The following OMA1 variants were observed in gnomAD, a reference collection of about 807,000 sequenced individuals.
The protein encoded by OMA1 is metalloendopeptidase OMA1, mitochondrial.
OMA1 carries 38 observed loss-of-function variants against 30.9 expected under a neutral mutation model. The ratio of observed to expected loss-of-function variants is 1.23; its 90% confidence interval spans 0.95 to 1.61. OMA1 has a LOEUF of 1.61. Ranked by LOEUF, OMA1 falls within the 40% of genes most tolerant of loss-of-function variation. The pLI is 0.00. For synonymous variants in OMA1, 173 were observed against 121.9 expected (o/e 1.42, Z -2.76); for missense variants, 461 against 349.2 (o/e 1.32, Z -2.55).
At chr1:58,481,426 C>T (rs12121129) in intron 8 of OMA1, among the ~76,000 whole-genome samples, 27,047 of 151,882 alleles carry the variant, frequency 0.18, 2,544 homozygotes, top group Middle Eastern at 0.23. Flanking sequence ...TAACAACTGC[C>T]CTAATGCTGT....
intron 1 of OMA1, 150 bp from the exon 2 acceptor site, chr1:58,539,460 A>G: frequency 1.7e-6 from 1 of 578,280 alleles, no homozygotes; most frequent in Non-Finnish European, 3.0e-6. Flanking sequence ...CCCTAGAGCA[A>G]CGCCTTTCAG....
At chr1:58,500,975 TA>T (rs1645897831) in intron 8 of OMA1, among the ~76,000 whole-genome samples, 2 of 152,230 alleles carry the variant, frequency 1.3e-5, no homozygotes, top group Admixed American at 1.3e-4. Flanking sequence ...AGTGTAACTA[TA>T]ATTTTAAAAC....
At chr1:58,522,303 T>G (rs997859039) in intron 7 of OMA1, among the ~76,000 whole-genome samples, 2 of 152,144 alleles carry the variant, frequency 1.3e-5, no homozygotes, top group African/African-American at 4.8e-5. Flanking sequence ...CATCTGCACA[T>G]GTACCCTGGA....
chr1:58,508,413 C>A (rs1646023069), intron 7 of OMA1, among the ~76,000 whole-genome samples: 1 of 152,192 alleles, frequency 6.6e-6, no homozygotes, highest in Non-Finnish European at 1.5e-5. Context: ...TATACGAATT[C>A]CCTTTGTGAG....
intron 8 of OMA1, among the ~76,000 whole-genome samples, chr1:58,500,814 A>G (rs1457647505): frequency 1.3e-5 from 2 of 152,238 alleles, no homozygotes; most frequent in African/African-American, 4.8e-5. Flanking sequence ...AGAATAAGAA[A>G]TTCAGTCTAA....
chr1:58,488,865 G>A (rs1354841095), intron 8 of OMA1, among the ~76,000 whole-genome samples: 2 of 152,190 alleles, frequency 1.3e-5, no homozygotes, highest in African/African-American at 4.8e-5. Flanking sequence ...ACTTATCAGT[G>A]AGAACATAAC....
chr1:58,545,478 G>A (rs1281385088), intron 1 of OMA1, among the ~76,000 whole-genome samples: 1 of 150,614 alleles, frequency 6.6e-6, no homozygotes, highest in Non-Finnish European at 1.5e-5. Flanking sequence ...GCATTTTCAA[G>A]GAGCCAATCA....
At chr1:58,516,182 T>C (rs1033631959) in intron 7 of OMA1, among the ~76,000 whole-genome samples, 2 of 152,154 alleles carry the variant, frequency 1.3e-5, no homozygotes, top group African/African-American at 4.8e-5. Flanking sequence ...CCAATAACTA[T>C]GACAATCAAA....
intron 8 of OMA1, among the ~76,000 whole-genome samples, chr1:58,494,655 G>A (rs1443655803): frequency 6.6e-6 from 1 of 151,868 alleles, no homozygotes; most frequent in Non-Finnish European, 1.5e-5. Context: ...GCAGCCAAAA[G>A]ACACATGAAA....
In OMA1 at chr1:58,539,251, A is replaced by G; in HGVS notation, c.44T>C (p.Val15Ala). The G allele has an allele frequency of 1.2e-6, 1 of 869,554 alleles. No individual in the cohort carries two copies. The highest frequency in any genetic ancestry group is 2.0e-6 in the Non-Finnish European group (1 of 500,846). 53.9% of individuals were successfully genotyped at this position (869,554 alleles called of 1,614,324 possible). The part of the protein sequence containing the change: ...CGLQSAARNH[V>A]FFRFNSLSNW... ...AGACAGTGAATTAAATCGGAAGAAA[A>G]CATGGTTTCTAGCAGCAGACTGCAA... The change falls in exon 2 of 9, where the codon GTT (valine) becomes GCT (alanine). Residue 15 changes from valine (V) to alanine (A), a missense_variant. By Grantham distance (64) the Val-to-Ala change is moderately conservative (BLOSUM62 0). Transcript: ENST00000371226.
At chr1:58,500,671 T>C (rs1046441838) in intron 8 of OMA1, among the ~76,000 whole-genome samples, 3 of 152,184 alleles carry the variant, frequency 2.0e-5, no homozygotes, top group Non-Finnish European at 4.4e-5. Context: ...ATTCAAATTA[T>C]GACTATAAAC....
chr1:58,503,217 T>A lies in OMA1; in HGVS notation c.1365+2843A>T, dbSNP rs116468945. Among the ~76,000 whole-genome samples the A allele has an allele frequency of 3.8e-3, 581 of 152,104 alleles. 2 individuals carry two copies. The highest frequency in any genetic ancestry group is 0.014 in the African/African-American group (563 of 41,496). On this transcript the variant is annotated intron_variant, in intron 8 of 8. Transcript: ENST00000371226. The stretch of plus-strand genomic sequence containing the variant: ...AAAAGAAAAAAAATTCAAGAGAAAA[T>A]CATATTGTTATCATTGCTTTAGAGA...
intron 1 of OMA1, among the ~76,000 whole-genome samples, chr1:58,545,175 A>ATTTT (rs1447626867): frequency 2.0e-5 from 3 of 152,160 alleles, no homozygotes; most frequent in Non-Finnish European, 2.9e-5. Context: ...ACCCCACAGA[A>ATTTT]AAAGAAAGCT....
At chr1:58,503,366 T>G (rs1645938428) in intron 8 of OMA1, among the ~76,000 whole-genome samples, 1 of 152,200 alleles carries the variant, frequency 6.6e-6, no homozygotes, top group South Asian at 2.1e-4. Context: ...GTCCCATGCC[T>G]ATACTACCCT....
chr1:58,504,097 A>G (rs1645949497), intron 8 of OMA1, among the ~76,000 whole-genome samples: 1 of 152,164 alleles, frequency 6.6e-6, no homozygotes, highest in South Asian at 2.1e-4. Flanking sequence ...ACTCCACACA[A>G]TAATGCCAGT....
intron 7 of OMA1, among the ~76,000 whole-genome samples, chr1:58,518,772 G>C (rs1646213612): frequency 6.6e-6 from 1 of 152,122 alleles, no homozygotes; most frequent in African/African-American, 2.4e-5. Flanking sequence ...TACTGGGTTT[G>C]AGATAATGTA....
intron 7 of OMA1, among the ~76,000 whole-genome samples, chr1:58,521,631 A>G (rs991241599): frequency 7.9e-5 from 12 of 152,118 alleles, no homozygotes; most frequent in African/African-American, 2.7e-4. Context: ...AAAATATAAT[A>G]AGAGTATATT....
chr1:58,499,289 G>T (rs1022918558), intron 8 of OMA1, among the ~76,000 whole-genome samples: 1 of 132,082 alleles, frequency 7.6e-6, no homozygotes, highest in African/African-American at 2.9e-5. Flanking sequence ...GCCAGCCAGG[G>T]CAACACAGCA....
At chr1:58,505,078 G>T (rs1434449895) in intron 8 of OMA1, among the ~76,000 whole-genome samples, 2 of 151,834 alleles carry the variant, frequency 1.3e-5, no homozygotes, top group African/African-American at 4.8e-5. Context: ...TCAATCTCCC[G>T]AGTAGCTGGG....
Sources: gnomAD v4.1 joint callset for allele counts (sites outside exome capture counted in the v4.1 genomes callset) on GRCh38, gnomAD v4.1.1 for gene constraint, MANE v1.5 for transcripts, NCBI Gene and HGNC (gene_info 2026-07-23, HGNC 2026-07-21) for gene names.